PTPDC1: variants seen among roughly 807,000 people sequenced by gnomAD.
PTPDC1 encodes the protein protein tyrosine phosphatase domain-containing protein 1.
Under a neutral mutation model 75.3 loss-of-function variants are expected in PTPDC1, and 53 were observed. That is an observed-to-expected ratio of 0.70 (90% CI 0.56 to 0.88). PTPDC1 has a LOEUF of 0.88. PTPDC1 is among the 40% of genes least tolerant of loss of function. The probability of loss-of-function intolerance (pLI) is 0.00; values close to 1 mark genes in which losing one functional copy is unlikely to be tolerated. For synonymous variants in PTPDC1, 349 were observed against 366.2 expected, an observed-to-expected ratio of 0.95 and a Z score of 0.54; for missense variants, 925 against 998.6, an observed-to-expected ratio of 0.93 and a Z score of 0.99.
chr9:94,074,227 T>A (rs1826602695), intron 2 of PTPDC1, among the ~76,000 whole-genome samples: 1 of 152,144 alleles, frequency 6.6e-6, no homozygotes, highest in African/African-American at 2.4e-5. Context: ...AGCTCCCTGT[T>A]CAGCCTCACT....
At chr9:94,091,570 T>G (rs1827320742) in intron 4 of PTPDC1, among the ~76,000 whole-genome samples, 1 of 152,176 alleles carries the variant, frequency 6.6e-6, no homozygotes, top group Non-Finnish European at 1.5e-5. Context: ...TCTGCCTGGC[T>G]TTGGTATCAG....
intron 1 of PTPDC1, among the ~76,000 whole-genome samples, chr9:94,034,682 T>A (rs1825207180): frequency 6.6e-6 from 1 of 152,228 alleles, no homozygotes; most frequent in Admixed American, 6.5e-5. Context: ...GTTTTGGTAA[T>A]TTTTCTGCTT....
intron 8 of PTPDC1, among the ~76,000 whole-genome samples, chr9:94,105,865 C>G (rs943655899): frequency 2.0e-5 from 3 of 151,262 alleles, no homozygotes; most frequent in African/African-American, 7.3e-5. Context: ...CCCAGCTACT[C>G]GGGAGGCTGA....
In PTPDC1 at chr9:94,107,916, C is replaced by T. The variant is rs61734082; in HGVS notation, c.2399C>T (p.Thr800Ile). 2,210 of 1,604,654 alleles carry T rather than the reference C, an allele frequency of 1.4e-3. 7 individuals are homozygous for T. The highest frequency in any genetic ancestry group is 4.2e-3 in the Admixed American group (245 of 58,690). The change falls in exon 9 of 9, where the codon ACA becomes ATA. Residue 800 changes from threonine to isoleucine, a missense_variant. Thr to Ile is a moderately conservative substitution (Grantham distance 89). Transcript: ENST00000620992. The stretch of plus-strand genomic sequence containing the variant: ...ACGCTGGAAGAAAAAAGAAAAATGA[C>T]AAAAGATGGCCCTAAGCCTGGCCTC... ...KHTLEEKRKMTKDGPKPGL is the reference protein window; with the variant it reads ...KHTLEEKRKMIKDGPKPGL
rs185792274 is a variant in PTPDC1 at position 94,068,220 on chromosome 9, A to G, written c.82+3399A>G. On this transcript the variant is annotated intron_variant, in intron 2 of 9. Coordinates refer to the PTPDC1 transcript ENST00000375360. ...TACAGTAAAGGTACAAGAAAAGCACACAAAAGAACTCCTACATTCTGTTCA... is the reference window on the plus strand; with the variant it reads ...TACAGTAAAGGTACAAGAAAAGCACGCAAAAGAACTCCTACATTCTGTTCA... Among the ~76,000 whole-genome samples the G allele has an allele frequency of 1.6e-3, 247 of 152,304 alleles. 1 individual carries two copies. The highest frequency in any genetic ancestry group is 5.7e-3 in the African/African-American group (236 of 41,562).
intron 8 of PTPDC1, 135 bp downstream of exon 8, chr9:94,104,520 G>A: frequency 1.7e-6 from 1 of 578,664 alleles, no homozygotes; most frequent in Non-Finnish European, 3.0e-6. Flanking sequence ...AAATCTGTTT[G>A]ACATTTCTTC....
In PTPDC1 at chr9:94,098,156, T is replaced by C. The variant is rs1443131382; in HGVS notation, c.1590T>C (p.His530=). ...AAGATAATGGGTCACCAATTTTCCA[T>C]GGAAGGATCATTCCAAAGGAAGCAC... is the stretch of plus-strand genomic sequence containing the variant. ...GLKDNGSPIF[H]GRIIPKEAQQ... The change falls in exon 6 of 9, where the codon CAT becomes CAC. Residue 530 remains histidine (H), a synonymous_variant. Transcript: ENST00000620992. 3.7e-6 allele frequency: 6 copies of C among 1,614,128 alleles called. No individual in the cohort carries two copies. Among genetic ancestry groups the C allele is most frequent in the Non-Finnish European group, 8.5e-7 (1 of 1,180,050 alleles).
chr9:94,080,070 T>C (rs1458357475), upstream of PTPDC1, among the ~76,000 whole-genome samples: 1 of 152,124 alleles, frequency 6.6e-6, no homozygotes, highest in Non-Finnish European at 1.5e-5. Flanking sequence ...GAGGGCTCCA[T>C]GTGGCAGGGT....
At chr9:94,099,551 G>A (rs1827760162) in intron 6 of PTPDC1, among the ~76,000 whole-genome samples, 1 of 152,234 alleles carries the variant, frequency 6.6e-6, no homozygotes, top group African/African-American at 2.4e-5. Context: ...TTAATTATAT[G>A]ATGGGAGGAG....
At position 94,095,449 on chromosome 9, in the gene PTPDC1, G is replaced by C. The variant is rs147113329; in HGVS notation, c.749G>C (p.Arg250Pro). ...ATCCATTGTCATGCAGGGCTTGGTC[G>C]AACAGGTAGGTCCTAAGAGGTGGTT... is the stretch of plus-strand genomic sequence containing the variant. ...VAIHCHAGLG[R>P]TGVLIACYLV... is the part of the protein sequence containing the mutation. The change falls in exon 5 of 9, where the codon CGA becomes CCA. Residue 250 changes from arginine (R) to proline (P), a missense_variant. Arg to Pro is a moderately radical substitution (Grantham distance 103). Transcript: ENST00000620992. The C allele has an allele frequency of 5.0e-4, 799 of 1,612,006 alleles. 4 individuals carry two copies. The highest frequency in any genetic ancestry group is 1.6e-3 in the South Asian group (142 of 90,644).
intron 6 of PTPDC1, among the ~76,000 whole-genome samples, chr9:94,099,751 T>C (rs1018775106): frequency 2.6e-5 from 4 of 152,254 alleles, no homozygotes; most frequent in Admixed American, 2.0e-4. Flanking sequence ...GAGAGTCTTC[T>C]ATTTTAGATG....
At chr9:94,078,140 G>A (rs191120530) in intron 2 of PTPDC1, among the ~76,000 whole-genome samples, 7 of 152,224 alleles carry the variant, frequency 4.6e-5, no homozygotes, top group Admixed American at 4.6e-4. Context: ...ATTCACATTA[G>A]TCTTGGGTAA....
intron 8 of PTPDC1, among the ~76,000 whole-genome samples, chr9:94,104,619 T>C (rs1827954010): frequency 6.6e-6 from 1 of 152,200 alleles, no homozygotes; most frequent in Non-Finnish European, 1.5e-5. Flanking sequence ...AAGGAGAACG[T>C]TGGAACAAAG....
intron 1 of PTPDC1, among the ~76,000 whole-genome samples, chr9:94,040,841 C>G (rs1025426329): frequency 3.9e-5 from 6 of 152,296 alleles, no homozygotes; most frequent in African/African-American, 1.2e-4. Flanking sequence ...CCTGAAGACT[C>G]CTAGGTGCTG....
intron 2 of PTPDC1, among the ~76,000 whole-genome samples, chr9:94,070,506 G>C (rs1458515291): frequency 6.6e-6 from 1 of 152,088 alleles, no homozygotes; most frequent in Non-Finnish European, 1.5e-5. Flanking sequence ...TAATACAGAG[G>C]AATCATATTT....
chr9:94,044,799 A>G (rs975602129), intron 1 of PTPDC1, among the ~76,000 whole-genome samples: 1 of 151,488 alleles, frequency 6.6e-6, no homozygotes, highest in Non-Finnish European at 1.5e-5. Flanking sequence ...GAGAGAGCAC[A>G]TCTTGCCTCG....
chr9:94,072,297 C>T (rs1299621974), intron 2 of PTPDC1, among the ~76,000 whole-genome samples: 1 of 152,214 alleles, frequency 6.6e-6, no homozygotes, highest in African/African-American at 2.4e-5. Flanking sequence ...TGAGCCACCA[C>T]ACCTGGCCTA....
chr9:94,058,593 G>C (rs1268341221), intron 1 of PTPDC1, among the ~76,000 whole-genome samples: 1 of 151,454 alleles, frequency 6.6e-6, no homozygotes, highest in Admixed American at 6.6e-5. Context: ...TGTAATCCCA[G>C]CTACTCGGAG....
At chr9:94,095,739 CATT>C (rs1280470946) in intron 5 of PTPDC1, among the ~76,000 whole-genome samples, 2 of 152,046 alleles carry the variant, frequency 1.3e-5, no homozygotes, top group Non-Finnish European at 2.9e-5. Context: ...GATCACTATA[CATT>C]ATATGTATTA....
Sources: gnomAD v4.1 joint callset for allele counts (sites outside exome capture counted in the v4.1 genomes callset) on GRCh38, gnomAD v4.1.1 for gene constraint, MANE v1.5 for transcripts, NCBI Gene and HGNC (gene_info 2026-07-23, HGNC 2026-07-21) for gene names.